Variants in ITCH observed in about 807,000 individuals in gnomAD.
The protein encoded by ITCH is itchy E3 ubiquitin protein ligase, also known as E3 ubiquitin-protein ligase Itchy homolog.
A neutral mutation model predicts 126.8 loss-of-function variants in ITCH; 28 were observed. That is an observed-to-expected ratio of 0.22 (90% CI 0.16 to 0.30). The LOEUF (loss-of-function observed/expected upper bound fraction) is 0.30. Among genes scored for constraint, ITCH ranks in the 10% least tolerant of loss-of-function variants. ITCH has a pLI of 1.00. For synonymous variants in ITCH, 342 were observed against 340.0 expected (o/e 1.01, Z -0.06); for missense variants, 631 against 1,032.4 (o/e 0.61, Z 5.33).
chr20:34,478,914 A>G (rs1167451955), intron 17 of ITCH, among the ~76,000 whole-genome samples: 3 of 152,194 alleles, frequency 2.0e-5, no homozygotes, highest in East Asian at 3.8e-4. Flanking sequence ...CATGAGATAC[A>G]CTTATCACAA....
chr20:34,424,354 G>T, intron 6 of ITCH, 126 bp from the exon 7 acceptor site: 1 of 768,530 alleles, frequency 1.3e-6, no homozygotes, highest in Non-Finnish European at 2.3e-6. Context: ...TGGAATTTAA[G>T]TTATAGTATG....
intron 16 of ITCH, among the ~76,000 whole-genome samples, chr20:34,474,381 T>C (rs1018549797): frequency 1.4e-4 from 21 of 152,202 alleles, no homozygotes; most frequent in Admixed American, 7.9e-4. Flanking sequence ...GAGCATGCTG[T>C]CTTCAAGCAT....
intron 23 of ITCH, among the ~76,000 whole-genome samples, chr20:34,502,419 A>C (rs1241090258): frequency 6.6e-6 from 1 of 151,984 alleles, no homozygotes; most frequent in Non-Finnish European, 1.5e-5. Context: ...ATTTATAAAA[A>C]ATGAAATGTG....
intron 3 of ITCH, 132 bp downstream of exon 3, chr20:34,394,013 C>G (rs996940126): frequency 1.6e-5 from 13 of 835,342 alleles, no homozygotes; most frequent in Non-Finnish European, 2.5e-5. Context: ...GGGCGGGTCA[C>G]TTGAGGCCAG....
intron 2 of ITCH, among the ~76,000 whole-genome samples, chr20:34,370,563 C>G (rs1418827615): frequency 6.6e-6 from 1 of 151,156 alleles, no homozygotes; most frequent in Admixed American, 6.6e-5. Context: ...ACTTGGGTGG[C>G]TGAGGCAGGA....
chr20:34,396,030 TTA>T (rs1236469942), intron 3 of ITCH, among the ~76,000 whole-genome samples: 2 of 149,196 alleles, frequency 1.3e-5, no homozygotes, highest in African/African-American at 5.0e-5. Flanking sequence ...ATTATTATTA[TTA>T]TTATTTTTTT....
intron 14 of ITCH, among the ~76,000 whole-genome samples, chr20:34,467,678 ATTTTTTTTTTT>A (rs147009659): frequency 3.1e-5 from 3 of 98,056 alleles, no homozygotes; most frequent in Non-Finnish European, 6.0e-5. Flanking sequence ...TTTCTTTTTC[ATTTTTTTTTTT>A]TTTTTTTTTT....
intron 3 of ITCH, among the ~76,000 whole-genome samples, chr20:34,408,295 G>A (rs4911154): frequency 0.16 from 24,098 of 152,016 alleles, 2,145 homozygotes; most frequent in South Asian, 0.33. Flanking sequence ...ATTGGTCTTC[G>A]ACTACTGAGC....
rs6059852 is a variant in ITCH at position 34,462,337 on chromosome 20, A to G, written c.1424+116A>G. On this transcript the variant is annotated intron_variant, in intron 14 of 24. Transcript: ENST00000374864. ...TAGTATTTCTTGAGTTAGCTTGACAATAGGTTTCTGTTCATTAAGTATTTT... is the reference window on the plus strand; with the variant it reads ...TAGTATTTCTTGAGTTAGCTTGACAGTAGGTTTCTGTTCATTAAGTATTTT... 1,536 of 1,073,334 alleles carry G rather than the reference A, an allele frequency of 1.4e-3. 1 individual carries two copies. The highest frequency in any genetic ancestry group is 2.1e-3 in the Non-Finnish European group (1,462 of 712,822). 66.5% of individuals were successfully genotyped at this position (1,073,334 alleles called of 1,614,324 possible). A position where few individuals can be genotyped will look rare whatever the true frequency, so the allele number is the denominator to read the frequency against.
chr20:34,511,081 T>G lies in ITCH; in HGVS notation c.*3287T>G, dbSNP rs181549465. On this transcript the variant is annotated 3_prime_UTR_variant, in exon 25 of 25. Coordinates refer to ENST00000374864, the MANE Select transcript of ITCH (RefSeq NM_031483.7). ...GATGTAACTTACCTTTCTAAACTCCTTTAGAGTTAACGACTTCTATTTAGT... is the reference window on the plus strand; with the variant it reads ...GATGTAACTTACCTTTCTAAACTCCGTTAGAGTTAACGACTTCTATTTAGT... 2.0e-5 allele frequency: 3 copies of G among 152,358 alleles called. No individual in the cohort carries two copies. Among genetic ancestry groups the G allele is most frequent in the Admixed American group, 2.0e-4 (3 of 15,304 alleles). The allele number at this position is 152,358 out of a possible 1,614,324, so 9.4% of individuals were successfully genotyped here.
chr20:34,413,083 A>C (rs1168042780), intron 5 of ITCH, among the ~76,000 whole-genome samples: 1 of 152,036 alleles, frequency 6.6e-6, no homozygotes. Flanking sequence ...TTACAGGTGC[A>C]GTTGCAGCAC....
At chr20:34,430,451 C>CAAA in intron 7 of ITCH, among the ~76,000 whole-genome samples, 1 of 151,776 alleles carries the variant, frequency 6.6e-6, no homozygotes, top group Non-Finnish European at 1.5e-5. Context: ...AAAGGAATGT[C>CAAA]TTTTAAAATA....
intron 2 of ITCH, among the ~76,000 whole-genome samples, chr20:34,386,430 C>T (rs1027478064): frequency 2.6e-5 from 4 of 152,220 alleles, no homozygotes; most frequent in East Asian, 1.9e-4. Flanking sequence ...ACATACTACT[C>T]GGTATGTATT....
chr20:34,413,208 G>A (rs1471357793), intron 5 of ITCH, among the ~76,000 whole-genome samples: 1 of 152,032 alleles, frequency 6.6e-6, no homozygotes, highest in African/African-American at 2.4e-5. Flanking sequence ...TTTTAAAAAT[G>A]TCCTCATTTT....
chr20:34,471,914 G>A lies in ITCH; in HGVS notation c.1569+399G>A, dbSNP rs946182114. Among the ~76,000 whole-genome samples the A allele has an allele frequency of 1.1e-4, 16 of 152,122 alleles. No homozygotes were observed. The South Asian group carries it at 2.3e-3, about 22-fold the overall frequency. ...ATGAACATTATCAGATTGTAGAAAG[G>A]AGAGGGGAAGACTTGTTTTAACACT... On this transcript the variant is annotated intron_variant, in intron 16 of 24. Transcript: ENST00000374864.
intron 6 of ITCH, 130 bp downstream of exon 6, chr20:34,414,009 G>C: frequency 2.7e-6 from 2 of 752,446 alleles, no homozygotes; most frequent in Non-Finnish European, 4.3e-6. Flanking sequence ...CCGGTGTGGT[G>C]GCTCACGCCT....
chr20:34,392,069 T>C (rs546421865), intron 2 of ITCH, among the ~76,000 whole-genome samples: 1 of 152,198 alleles, frequency 6.6e-6, no homozygotes, highest in Non-Finnish European at 1.5e-5. Context: ...TTTTTAAATA[T>C]TGTCGTTCTA....
At chr20:34,466,095 C>T (rs989607064) in intron 14 of ITCH, among the ~76,000 whole-genome samples, 1 of 151,960 alleles carries the variant, frequency 6.6e-6, no homozygotes, top group Admixed American at 6.6e-5. Flanking sequence ...CTAGTGTTTC[C>T]TATCCCTGTT....
chr20:34,405,089 C>T (rs1271394513), intron 3 of ITCH, among the ~76,000 whole-genome samples: 1 of 138,382 alleles, frequency 7.2e-6, no homozygotes, highest in Admixed American at 8.3e-5. Context: ...TTGCAGTGAC[C>T]TGAGATTGTG....
Sources: gnomAD v4.1 joint callset for allele counts (sites outside exome capture counted in the v4.1 genomes callset) on GRCh38, gnomAD v4.1.1 for gene constraint, MANE v1.5 for transcripts, NCBI Gene and HGNC (gene_info 2026-07-23, HGNC 2026-07-21) for gene names.